Variants in PPP1R9A observed in about 807,000 individuals in gnomAD.
The protein encoded by PPP1R9A is neurabin-1.
Under a neutral mutation model 141.9 loss-of-function variants are expected in PPP1R9A, and 59 were observed. The observed-to-expected ratio is 0.42, with a 90% CI of 0.34 to 0.52. The LOEUF is 0.52. PPP1R9A is among the 20% of genes least tolerant of loss of function. PPP1R9A has a pLI of 0.10. For missense variants in PPP1R9A, 1,444 were observed against 1,611.9 expected (o/e 0.90, Z 1.78); for synonymous variants, 500 against 569.7 (o/e 0.88, Z 1.74).
intron 4 of PPP1R9A, among the ~76,000 whole-genome samples, chr7:95,138,411 A>G (rs749098823): frequency 2.6e-5 from 4 of 152,192 alleles, no homozygotes; most frequent in Middle Eastern, 6.8e-3. Flanking sequence ...TAGGTCTAAT[A>G]TTATAAAAGC....
intron 2 of PPP1R9A, among the ~76,000 whole-genome samples, chr7:95,003,659 T>G (rs966579530): frequency 6.6e-5 from 10 of 152,206 alleles, no homozygotes; most frequent in Non-Finnish European, 4.4e-5. Context: ...ATGCTGGTTC[T>G]CAACCCTGGC....
chr7:95,287,942 C>T (rs901370856), intron 18 of PPP1R9A, among the ~76,000 whole-genome samples: 1 of 152,198 alleles, frequency 6.6e-6, no homozygotes, highest in African/African-American at 2.4e-5. Flanking sequence ...CCCACTTCAG[C>T]CTCCCGAAGT....
chr7:95,253,363 A>G (rs1365301979), intron 12 of PPP1R9A, among the ~76,000 whole-genome samples: 2 of 152,180 alleles, frequency 1.3e-5, no homozygotes, highest in African/African-American at 4.8e-5. Context: ...TTTATATCCT[A>G]TCATGAACTT....
chr7:94,993,251 GTT>G (rs1801741240), intron 2 of PPP1R9A, among the ~76,000 whole-genome samples: 1 of 151,872 alleles, frequency 6.6e-6, no homozygotes, highest in Non-Finnish European at 1.5e-5. Context: ...TCTCTATTCT[GTT>G]CCATTGATCT....
chr7:95,087,344 A>T (rs79851628), intron 2 of PPP1R9A, among the ~76,000 whole-genome samples: 1 of 152,056 alleles, frequency 6.6e-6, no homozygotes, highest in African/African-American at 2.4e-5. Context: ...TTATATAAAG[A>T]TAAATACTTC....
rs183988405 is a variant in PPP1R9A at position 95,116,783 on chromosome 7, G to A, written c.1529-3929G>A. Among the ~76,000 whole-genome samples, 386 of 152,226 alleles carry A rather than the reference G, an allele frequency of 2.5e-3. 2 individuals carry two copies. The highest frequency in any genetic ancestry group is 8.6e-3 in the African/African-American group (356 of 41,550). ...TATCTAAATATAATGTAAAGCTTTTGTAATCAGAACAAATTGTATTCAAAT... is the reference window on the plus strand; with the variant it reads ...TATCTAAATATAATGTAAAGCTTTTATAATCAGAACAAATTGTATTCAAAT... On this transcript the variant is annotated intron_variant, in intron 3 of 19. Coordinates refer to ENST00000433360, the MANE Select transcript of PPP1R9A (RefSeq NM_001166160.2).
At chr7:94,976,426 T>C (rs566340854) in intron 2 of PPP1R9A, among the ~76,000 whole-genome samples, 1 of 149,576 alleles carries the variant, frequency 6.7e-6, no homozygotes, top group East Asian at 2.0e-4. Context: ...ACTGCACCTC[T>C]GACTCCTGGG....
intron 16 of PPP1R9A, among the ~76,000 whole-genome samples, chr7:95,281,202 C>G (rs1391368579): frequency 6.6e-6 from 1 of 152,178 alleles, no homozygotes; most frequent in Non-Finnish European, 1.5e-5. Context: ...CAGATACTCA[C>G]AGAGGAATGA....
intron 2 of PPP1R9A, among the ~76,000 whole-genome samples, chr7:94,954,890 T>C (rs1796917697): frequency 6.6e-6 from 1 of 151,738 alleles, no homozygotes; most frequent in Non-Finnish European, 1.5e-5. Context: ...CATATGTTTG[T>C]ATTTATATAT....
intron 2 of PPP1R9A, chr7:95,018,116 T>A (rs568855622): frequency 6.9e-5 from 12 of 174,988 alleles, no homozygotes; most frequent in Non-Finnish European, 1.0e-4. Context: ...ATGTGCAAAC[T>A]TAATCATTGC....
intron 8 of PPP1R9A, 29 bp from the exon 9 acceptor site, chr7:95,247,444 C>A: frequency 6.4e-7 from 1 of 1,560,192 alleles, no homozygotes; most frequent in South Asian, 1.1e-5. Flanking sequence ...TTTCTTAGTT[C>A]AGATTTTTTC....
intron 14 of PPP1R9A, among the ~76,000 whole-genome samples, chr7:95,273,157 C>T (rs868155693): frequency 1.3e-5 from 2 of 152,140 alleles, no homozygotes; most frequent in Non-Finnish European, 2.9e-5. Context: ...CCAGCAGCTG[C>T]TACCTTTGAG....
chr7:95,101,593 G>A (rs1392399491), intron 2 of PPP1R9A, among the ~76,000 whole-genome samples: 1 of 152,134 alleles, frequency 6.6e-6, no homozygotes, highest in Non-Finnish European at 1.5e-5. Flanking sequence ...CCATTGGCGA[G>A]AATTATTTAC....
At chr7:95,281,616 TGGA>T (rs1363975905) in intron 16 of PPP1R9A, among the ~76,000 whole-genome samples, 1 of 152,226 alleles carries the variant, frequency 6.6e-6, no homozygotes, top group Non-Finnish European at 1.5e-5. Context: ...AAATGTTGCT[TGGA>T]CAGGATTTGG....
At chr7:95,056,034 A>G (rs563621469) in intron 2 of PPP1R9A, among the ~76,000 whole-genome samples, 1 of 152,152 alleles carries the variant, frequency 6.6e-6, no homozygotes, top group Non-Finnish European at 1.5e-5. Context: ...TTTCCATTAT[A>G]AAAATTTCAA....
chr7:95,057,527 G>T (rs796098549), intron 2 of PPP1R9A, among the ~76,000 whole-genome samples: 21 of 152,030 alleles, frequency 1.4e-4, no homozygotes, highest in African/African-American at 5.1e-4. Flanking sequence ...ATTTAATTTG[G>T]GTCTACTCCA....
chr7:95,020,013 A>G lies in PPP1R9A; in HGVS notation c.1396-91246A>G, dbSNP rs1160699731. 2.0e-5 allele frequency among the ~76,000 whole-genome samples: 3 copies of G among 151,472 alleles called. No individual in the cohort carries two copies. The East Asian group carries it at 5.8e-4, about 29-fold the overall frequency. On this transcript the variant is annotated intron_variant, in intron 2 of 19. Transcript: ENST00000433360. Reference sequence around the variant, plus strand: ...ATCATACCCAAACAGTGGACTCAGCAGTCAAAAGGAACAAATGGCTATATC... The same window carrying G: ...ATCATACCCAAACAGTGGACTCAGCGGTCAAAAGGAACAAATGGCTATATC...
intron 3 of PPP1R9A, among the ~76,000 whole-genome samples, chr7:95,115,772 C>G (rs567483722): frequency 6.6e-6 from 1 of 151,748 alleles, no homozygotes; most frequent in Non-Finnish European, 1.5e-5. Context: ...AAAAAATTAG[C>G]CCGGCGTGGT....
rs1300406047 is a variant in PPP1R9A at position 95,252,117 on chromosome 7, T to G, written c.2652T>G (p.Asp884Glu). Residue 884 changes from aspartate to glutamate, a missense_variant, in exon 12 of 20, where the codon GAT (aspartate) becomes GAG (glutamate). By Grantham distance (45) the Asp-to-Glu change is conservative. Coordinates refer to ENST00000433360, the MANE Select transcript of PPP1R9A (RefSeq NM_001166160.2). ...ATGGCAAGCAGACATCTTGCCAAGA[T>G]GGCCTAAGTCAAGGTTTGTTTAACC... ...NLDGKQTSCQ[D>E]GLSQDLNEAV... is the part of the protein sequence containing the mutation. 3.1e-6 allele frequency: 5 copies of G among 1,595,872 alleles called. No homozygotes were observed. The highest frequency in any genetic ancestry group is 4.3e-6 in the Non-Finnish European group (5 of 1,174,886).
Sources: allele counts gnomAD v4.1 joint callset (sites outside exome capture counted in the v4.1 genomes callset), GRCh38; gene constraint gnomAD v4.1.1; transcripts MANE v1.5; gene names NCBI Gene and HGNC (gene_info 2026-07-23, HGNC 2026-07-21).